ADAMTSL1: variants seen among roughly 807,000 people sequenced by gnomAD.
ADAMTSL1 encodes ADAMTS like 1.
A neutral mutation model predicts 201.8 loss-of-function variants in ADAMTSL1; 126 were observed. That is an observed-to-expected ratio of 0.62 (90% CI 0.54 to 0.72). ADAMTSL1 has a LOEUF of 0.72. Among genes scored for constraint, ADAMTSL1 ranks in the 30% least tolerant of loss-of-function variants. ADAMTSL1 has a pLI of 0.00. For missense variants in ADAMTSL1, 2,679 were observed against 2,277.8 expected, an observed-to-expected ratio of 1.18 and a Z score of -3.59; for synonymous variants, 1,121 against 903.4, an observed-to-expected ratio of 1.24 and a Z score of -4.32.
intron 2 of ADAMTSL1, among the ~76,000 whole-genome samples, chr9:18,342,913 G>A (rs1835529599): frequency 6.6e-6 from 1 of 152,134 alleles, no homozygotes; most frequent in African/African-American, 2.4e-5. Flanking sequence ...GGTACTTCCT[G>A]TAATATAGCT....
chr9:18,880,895 C>T (rs1828486979), intron 23 of ADAMTSL1, among the ~76,000 whole-genome samples: 1 of 152,224 alleles, frequency 6.6e-6, no homozygotes, highest in Non-Finnish European at 1.5e-5. Context: ...CCACCATCAT[C>T]AGTGATCTTA....
At chr9:18,104,238 C>G (rs1203404448) in intron 1 of ADAMTSL1, among the ~76,000 whole-genome samples, 1 of 152,160 alleles carries the variant, frequency 6.6e-6, no homozygotes, top group Non-Finnish European at 1.5e-5. Flanking sequence ...GCTGAATGAT[C>G]TTACGTGATA....
At chr9:18,376,050 C>T (rs867701574) in intron 2 of ADAMTSL1, among the ~76,000 whole-genome samples, 2 of 152,224 alleles carry the variant, frequency 1.3e-5, no homozygotes, top group African/African-American at 2.4e-5. Flanking sequence ...CAGAAAAGTT[C>T]TCCAAGTCCC....
At chr9:18,034,616 T>A (rs960032085) in intron 1 of ADAMTSL1, among the ~76,000 whole-genome samples, 1 of 152,160 alleles carries the variant, frequency 6.6e-6, no homozygotes, top group East Asian at 1.9e-4. Flanking sequence ...CTCAGTACCA[T>A]CTGACAGTTT....
intron 22 of ADAMTSL1, among the ~76,000 whole-genome samples, chr9:18,826,678 G>C (rs1305499153): frequency 6.6e-6 from 1 of 152,208 alleles, no homozygotes; most frequent in African/African-American, 2.4e-5. Flanking sequence ...CTAACTGCCT[G>C]GCATTGGGCA....
In ADAMTSL1 at chr9:18,905,847, G is replaced by A. The variant is rs1278162425; in HGVS notation, c.4917G>A (p.Arg1639=). The stretch of plus-strand genomic sequence containing the variant: ...ACAGACAAGTCTTCTGCCAGACACG[G>A]GATGGCATCACCTTACCATCAGAGC... ...VQHRQVFCQT[R]DGITLPSEQC... is the part of the protein sequence containing the mutation. The change falls in exon 27 of 29, where the codon CGG becomes CGA. Residue 1639 remains arginine (R), a synonymous_variant. Coordinates refer to ENST00000380548, the MANE Select transcript of ADAMTSL1 (RefSeq NM_001040272.6). 2 of 1,613,436 alleles carry A rather than the reference G, an allele frequency of 1.2e-6. No individual in the cohort carries two copies. Among genetic ancestry groups the A allele is most frequent in the South Asian group, 2.2e-5 (2 of 90,884 alleles).
intron 3 of ADAMTSL1, among the ~76,000 whole-genome samples, chr9:18,565,928 C>G (rs1221612083): frequency 1.3e-5 from 2 of 152,092 alleles, no homozygotes; most frequent in South Asian, 2.1e-4. Context: ...TGCGTGCTTA[C>G]AACATTAAAT....
chr9:18,399,022 A>G (rs1020375381), intron 2 of ADAMTSL1, among the ~76,000 whole-genome samples: 1 of 151,690 alleles, frequency 6.6e-6, no homozygotes, highest in Non-Finnish European at 1.5e-5. Flanking sequence ...CAGTTCAACA[A>G]ACACATACCA....
At chr9:18,213,812 T>G (rs1829967105) in intron 2 of ADAMTSL1, among the ~76,000 whole-genome samples, 1 of 152,140 alleles carries the variant, frequency 6.6e-6, no homozygotes, top group Non-Finnish European at 1.5e-5. Flanking sequence ...CGATCTCGGT[T>G]CACTGCAACT....
chr9:17,990,863 C>T (rs760024396), intron 1 of ADAMTSL1, among the ~76,000 whole-genome samples: 2 of 152,082 alleles, frequency 1.3e-5, no homozygotes, highest in Non-Finnish European at 2.9e-5. Context: ...TGAGACAAAA[C>T]CTTAATTTCC....
At chr9:18,465,479 G>A (rs1209241852) in intron 2 of ADAMTSL1, among the ~76,000 whole-genome samples, 1 of 152,160 alleles carries the variant, frequency 6.6e-6, no homozygotes, top group African/African-American at 2.4e-5. Context: ...GGCTGCTCCA[G>A]CCTTCACATC....
chr9:17,995,021 A>G (rs1342712548), intron 1 of ADAMTSL1, among the ~76,000 whole-genome samples: 1 of 152,160 alleles, frequency 6.6e-6, no homozygotes, highest in East Asian at 1.9e-4. Context: ...TCTCCACAAG[A>G]GATTCTTTCT....
rs191093307 is a variant in ADAMTSL1, at chr9:18,388,446, G to A, written c.208-116383G>A. On this transcript the variant is annotated intron_variant, in intron 2 of 29. Transcript: ENST00000680146. ...ATACCACCATGCCTGGCTAATTTTT[G>A]CATTTTCTGTAGAGACAATGTCTCA... 2.9e-4 allele frequency among the ~76,000 whole-genome samples: 44 copies of A among 151,932 alleles called. No homozygotes were observed. The East Asian group carries it at 8.4e-3, about 29-fold the overall frequency.
At chr9:18,218,796 G>A (rs1047120551) in intron 2 of ADAMTSL1, among the ~76,000 whole-genome samples, 6 of 151,922 alleles carry the variant, frequency 3.9e-5, no homozygotes, top group Admixed American at 3.9e-4. Flanking sequence ...GCATAATGAT[G>A]TGTGCTTTTA....
chr9:18,063,548 A>C (rs1822554558), intron 1 of ADAMTSL1, among the ~76,000 whole-genome samples: 1 of 152,236 alleles, frequency 6.6e-6, no homozygotes, highest in South Asian at 2.1e-4. Flanking sequence ...TGTTCAAAAC[A>C]GGCATAATTC....
At chr9:18,111,843 T>C (rs1287199759) in intron 1 of ADAMTSL1, among the ~76,000 whole-genome samples, 3 of 152,210 alleles carry the variant, frequency 2.0e-5, no homozygotes, top group African/African-American at 7.2e-5. Context: ...CTGATATCAC[T>C]GGTGAGTCCA....
intron 1 of ADAMTSL1, among the ~76,000 whole-genome samples, chr9:17,918,121 G>T (rs1826173438): frequency 6.6e-6 from 1 of 151,588 alleles, no homozygotes; most frequent in Non-Finnish European, 1.5e-5. Flanking sequence ...TTGGTTTAAT[G>T]AATTTTTCTT....
chr9:17,935,092 G>T (rs1826951586), intron 1 of ADAMTSL1, among the ~76,000 whole-genome samples: 1 of 151,952 alleles, frequency 6.6e-6, no homozygotes, highest in African/African-American at 2.4e-5. Flanking sequence ...TTACTCCTCA[G>T]AAACTGTTTT....
At chr9:18,608,059 T>G (rs1268564123) in intron 4 of ADAMTSL1, among the ~76,000 whole-genome samples, 1 of 152,156 alleles carries the variant, frequency 6.6e-6, no homozygotes, top group Non-Finnish European at 1.5e-5. Flanking sequence ...TGATGCAATA[T>G]AGCCAAATTT....
Sources: allele counts gnomAD v4.1 joint callset (sites outside exome capture counted in the v4.1 genomes callset), GRCh38; gene constraint gnomAD v4.1.1; transcripts MANE v1.5; gene names NCBI Gene and HGNC (gene_info 2026-07-23, HGNC 2026-07-21).